The following CALML4 variants were observed in gnomAD, a reference collection of about 807,000 sequenced individuals.
The protein encoded by CALML4 is calmodulin like 4, also known as calmodulin-like protein 4.
A neutral mutation model predicts 17.9 loss-of-function variants in CALML4; 16 were observed. That is an observed-to-expected ratio of 0.89 (90% CI 0.61 to 1.36). The LOEUF (loss-of-function observed/expected upper bound fraction) is 1.36. Ranked by LOEUF, CALML4 falls within the 40% of genes most tolerant of loss-of-function variation. CALML4 has a pLI of 0.00. For missense variants in CALML4, 203 were observed against 194.8 expected (o/e 1.04, Z -0.25); for synonymous variants, 86 against 71.5 (o/e 1.20, Z -1.02).
rs1427552516 is a variant in CALML4, at chr15:68,205,051, G to A, written c.34+70C>T. 9.0e-6 allele frequency: 14 copies of A among 1,563,000 alleles called. No homozygotes were observed. The highest frequency in any genetic ancestry group is 1.4e-5 in the African/African-American group (1 of 73,786). On this transcript the variant is annotated intron_variant, in intron 2 of 4. Transcript: ENST00000467889. This position sits in a 1 kb window ranked among gnomAD's most constrained non-coding sequence, Gnocchi z 4.8. ...ACCTTCCTTCCCACCAAGAAAACAT[G>A]AGCAGAGCAAATTGCCTAATGAGAC...
Position 68,197,345 on chromosome 15 carries a change from C to G in CALML4, c.364+95G>C. On this transcript the variant is annotated intron_variant, in intron 4 of 4. Transcript: ENST00000467889. This position sits in a 1 kb window ranked among gnomAD's most constrained non-coding sequence, Gnocchi z 4.1. ...CTGCGCGCGCATCAACAGAGGTGGTCTGTACCACCCTGGTGGCATCAGCTA... is the reference window on the plus strand; with the variant it reads ...CTGCGCGCGCATCAACAGAGGTGGTGTGTACCACCCTGGTGGCATCAGCTA... 8.1e-7 allele frequency: 1 copy of G among 1,240,000 alleles called. No individual in the cohort carries two copies. Among genetic ancestry groups the G allele is most frequent in the Non-Finnish European group, 1.1e-6 (1 of 878,972 alleles). The allele number at this position is 1,240,000 out of a possible 1,614,324, so 76.8% of individuals were successfully genotyped here.
upstream of CALML4, chr15:68,205,376 T>C (rs997479352): frequency 3.1e-6 from 5 of 1,613,804 alleles, no homozygotes; most frequent in Admixed American, 1.7e-5. The surrounding 1 kb of genome is among the most constrained non-coding windows in gnomAD (Gnocchi z 4.8). Context: ...TCGGCTGCCA[T>C]GGAGACTGGG....
chr15:68,196,119 G>GCTCACTGCAACCTCCGC (rs1474139281), intron 4 of CALML4, among the ~76,000 whole-genome samples: 2 of 152,170 alleles, frequency 1.3e-5, no homozygotes, highest in African/African-American at 4.8e-5. Flanking sequence ...CGCAAGCTCG[G>GCTCACTGCAACCTCCGC]CTCACTGCAA....
In CALML4 at chr15:68,200,341, C is replaced by T. The variant is rs995326767; in HGVS notation, c.35-660G>A. Among the ~76,000 whole-genome samples the T allele has an allele frequency of 6.6e-6, 1 of 152,226 alleles. No homozygotes were observed. Among genetic ancestry groups the T allele is most frequent in the Admixed American group, 6.5e-5 (1 of 15,288 alleles). On this transcript the variant is annotated intron_variant, in intron 2 of 4. Transcript: ENST00000467889. The surrounding 1 kb of genome is among the most constrained non-coding windows in gnomAD (Gnocchi z 4.3). ...GCTAAACCCTCAAGCTGTCCTTGGA[C>T]TCGGGCCCTGGTCCTGTTCTTAGAG... is the stretch of plus-strand genomic sequence containing the variant.
chr15:68,202,877 C>T (rs1223564109), intron 2 of CALML4, among the ~76,000 whole-genome samples: 1 of 143,272 alleles, frequency 7.0e-6, no homozygotes, highest in African/African-American at 2.7e-5. Context: ...TGTAGTGGCT[C>T]AATCTCGGTT....
rs779698554 is a variant in CALML4 at position 68,194,020 on chromosome 15, A to G, written c.457T>C (p.Tyr153His). 1 of 1,612,554 alleles carries G rather than the reference A, an allele frequency of 6.2e-7. No homozygotes were observed. Among genetic ancestry groups the G allele is most frequent in the South Asian group, 1.1e-5 (1 of 91,036 alleles). The change falls in exon 5 of 5, where the codon TAT becomes CAT. Residue 153 changes from tyrosine (Y) to histidine (H), a missense_variant. By Grantham distance (83) the Tyr-to-His change is moderately conservative. Coordinates refer to ENST00000467889, the MANE Select transcript of CALML4 (RefSeq NM_033429.3). The part of the protein sequence containing the change: ...IHKITLPGRD[Y>H] ...GGCTCTCCCATTCTCCTCCTTCAAT[A>G]GTCCCGTCCAGGAAGGGTGATCTTG... is the stretch of plus-strand genomic sequence containing the variant.
At chr15:68,203,612 C>G (rs1040006158) in intron 2 of CALML4, among the ~76,000 whole-genome samples, 72 of 152,320 alleles carry the variant, frequency 4.7e-4, no homozygotes, top group African/African-American at 1.7e-3. Flanking sequence ...AGTGAGCCAG[C>G]CCCAGCCCAC....
In CALML4 at chr15:68,192,630, G is replaced by A. The variant is rs909990291; in HGVS notation, c.*1385C>T. The A allele has an allele frequency of 1.3e-5, 2 of 152,174 alleles. No individual in the cohort carries two copies. Among genetic ancestry groups the A allele is most frequent in the Admixed American group, 1.3e-4 (2 of 15,280 alleles). 9.4% of individuals were successfully genotyped at this position (152,174 alleles called of 1,614,324 possible). ...TTTGGGTCTGAAGCCACACAGCATC[G>A]TTGAGACAGTTGCACTAACACTACA... On this transcript the variant is annotated 3_prime_UTR_variant, in exon 5 of 5. Transcript: ENST00000467889.
At chr15:68,198,724 T>A (rs2093154745) in intron 3 of CALML4, 1 of 152,194 alleles carries the variant, frequency 6.6e-6, no homozygotes, top group South Asian at 2.1e-4. Context: ...TTTCAGCATT[T>A]TTTTTCTAGC....
chr15:68,196,459 A>G (rs2093144984), intron 4 of CALML4, among the ~76,000 whole-genome samples: 1 of 152,144 alleles, frequency 6.6e-6, no homozygotes, highest in Non-Finnish European at 1.5e-5. Context: ...TTGTGATTTA[A>G]CCAGAGACGG....
Position 68,190,898 on chromosome 15 carries a change from G to A in CALML4, c.*3117C>T, listed in dbSNP as rs967557785. ...AGATTCACGTAAGCTCTGAAAAATC[G>A]GATTCTTTGGCAGATTTTCCTTTGA... On this transcript the variant is annotated 3_prime_UTR_variant, in exon 5 of 5. Transcript: ENST00000467889. This position sits in a 1 kb window ranked among gnomAD's most constrained non-coding sequence, Gnocchi z 4.7. 3.9e-5 allele frequency: 6 copies of A among 152,084 alleles called. No individual in the cohort carries two copies. The highest frequency in any genetic ancestry group is 9.7e-5 in the African/African-American group (4 of 41,406). 9.4% of individuals were successfully genotyped at this position (152,084 alleles called of 1,614,324 possible).
intron 3 of CALML4, among the ~76,000 whole-genome samples, chr15:68,199,248 T>C (rs1369060444): frequency 2.0e-5 from 3 of 152,132 alleles, no homozygotes; most frequent in South Asian, 2.1e-4. Flanking sequence ...CAAAGGGAAA[T>C]GTTCCTATAA....
chr15:68,197,695 C>T lies in CALML4; in HGVS notation c.176-67G>A. 2 of 1,436,296 alleles carry T rather than the reference C, an allele frequency of 1.4e-6. No homozygotes were observed. Among genetic ancestry groups the T allele is most frequent in the Non-Finnish European group, 1.9e-6 (2 of 1,040,168 alleles). The allele number at this position is 1,436,296 out of a possible 1,614,324, so 89.0% of individuals were successfully genotyped here. On this transcript the variant is annotated intron_variant, in intron 3 of 4. Coordinates refer to ENST00000467889, the MANE Select transcript of CALML4 (RefSeq NM_033429.3). The surrounding 1 kb of genome is among the most constrained non-coding windows in gnomAD (Gnocchi z 4.1). Reference sequence around the variant, plus strand: ...AGACTCCTAGGAAGCCAGCTGGCCTCCTGCTGGACCTGCACAGCCGGTTCA... The same window carrying T: ...AGACTCCTAGGAAGCCAGCTGGCCTTCTGCTGGACCTGCACAGCCGGTTCA...
chr15:68,199,273 G>A (rs534968976), intron 3 of CALML4, among the ~76,000 whole-genome samples: 4 of 152,198 alleles, frequency 2.6e-5, no homozygotes, highest in Non-Finnish European at 2.9e-5. Context: ...ACATGGGATC[G>A]CTGTCAGCGC....
intron 4 of CALML4, among the ~76,000 whole-genome samples, chr15:68,196,221 G>GT (rs1398997924): frequency 6.6e-6 from 1 of 152,176 alleles, no homozygotes; most frequent in Non-Finnish European, 1.5e-5. Context: ...GCTAATTTTT[G>GT]TATGTCAGGC....
In CALML4 at chr15:68,197,356, T is replaced by C. The variant is rs1457038748; in HGVS notation, c.364+84A>G. On this transcript the variant is annotated intron_variant, in intron 4 of 4. Transcript: ENST00000467889. This position sits in a 1 kb window ranked among gnomAD's most constrained non-coding sequence, Gnocchi z 4.1. ...TCAACAGAGGTGGTCTGTACCACCC[T>C]GGTGGCATCAGCTAGGCTTTGGTGC... 4 of 1,374,388 alleles carry C rather than the reference T, an allele frequency of 2.9e-6. No homozygotes were observed. The highest frequency in any genetic ancestry group is 1.3e-5 in the South Asian group (1 of 76,012). 85.1% of individuals were successfully genotyped at this position (1,374,388 alleles called of 1,614,324 possible).
intron 2 of CALML4, among the ~76,000 whole-genome samples, chr15:68,201,072 G>A (rs1250861153): frequency 6.6e-6 from 1 of 152,184 alleles, no homozygotes; most frequent in African/African-American, 2.4e-5. Flanking sequence ...CCTAATGAAG[G>A]CACTCAGGCC....
Position 68,193,822 on chromosome 15 carries a change from CTT to C in CALML4, c.*191_*192del. ...GGTAGTTAATAAAATCAATACAAAT[CTT>C]TTATTAAAGATCTACTCATACCATG... On this transcript the variant is annotated 3_prime_UTR_variant, in exon 5 of 5. Coordinates refer to ENST00000467889, the MANE Select transcript of CALML4 (RefSeq NM_033429.3). 1.8e-6 allele frequency: 1 copy of C among 554,698 alleles called. No homozygotes were observed. The highest frequency in any genetic ancestry group is 3.2e-6 in the Non-Finnish European group (1 of 311,444). 34.4% of individuals were successfully genotyped at this position (554,698 alleles called of 1,614,324 possible).
Position 68,197,563 on chromosome 15 carries a change from C to T in CALML4, c.241G>A (p.Asp81Asn). The T allele has an allele frequency of 6.2e-7, 1 of 1,614,024 alleles. No homozygotes were observed. The highest frequency in any genetic ancestry group is 8.5e-7 in the Non-Finnish European group (1 of 1,179,926). Residue 81 changes from aspartate (D) to asparagine (N), a missense_variant, in exon 4 of 5, where the codon GAC (aspartate) becomes AAC (asparagine). Physicochemically the swap from Asp to Asn is conservative, Grantham distance 23. Coordinates refer to ENST00000467889, the MANE Select transcript of CALML4 (RefSeq NM_033429.3). The surrounding 1 kb of genome is among the most constrained non-coding windows in gnomAD (Gnocchi z 4.1). ...GCTAGAAGAATTTCTTTCTTTGGGT[C>T]TTCTTGTTTTATTTGCATGTGCATA... ...TIMHMQIKQEDPKKEILLAML... is the reference protein window; with the variant it reads ...TIMHMQIKQENPKKEILLAML...
Sources: gnomAD v4.1 joint callset for allele counts (sites outside exome capture counted in the v4.1 genomes callset) on GRCh38, gnomAD v4.1.1 for gene constraint, Gnocchi (gnomAD v3.1) non-coding constraint, MANE v1.5 for transcripts, NCBI Gene and HGNC (gene_info 2026-07-23, HGNC 2026-07-21) for gene names.